Variants in VANGL1 observed in about 807,000 individuals in gnomAD.
VANGL1 encodes vang-like protein 1.
Under a neutral mutation model 48.4 loss-of-function variants are expected in VANGL1, and 18 were observed. That is an observed-to-expected ratio of 0.37 (90% CI 0.26 to 0.55). VANGL1 has a LOEUF of 0.55. Among genes scored for constraint, VANGL1 ranks in the 20% least tolerant of loss-of-function variants. The pLI is 0.81. For synonymous variants in VANGL1, 257 were observed against 261.8 expected, an observed-to-expected ratio of 0.98 and a Z score of 0.18; for missense variants, 667 against 675.8, an observed-to-expected ratio of 0.99 and a Z score of 0.14.
chr1:115,642,504 G>A (rs899627914), intron 1 of VANGL1: 1 of 152,322 alleles, frequency 6.6e-6, no homozygotes, highest in African/African-American at 2.4e-5. Context: ...GGCACCGGGC[G>A]GCTGCAGCAG....
intron 2 of VANGL1, among the ~76,000 whole-genome samples, chr1:115,656,811 G>A (rs1477952005): frequency 6.6e-6 from 1 of 152,226 alleles, no homozygotes; most frequent in Admixed American, 6.5e-5. Context: ...GTAGGGTTCA[G>A]GCTCCGGGAA....
chr1:115,671,405 G>C (rs1652967463), intron 4 of VANGL1: 1 of 152,358 alleles, frequency 6.6e-6, no homozygotes. Context: ...CTCCAGCCCA[G>C]GTTTCGGGGA....
chr1:115,669,868 T>C (rs528090807), intron 4 of VANGL1, among the ~76,000 whole-genome samples: 27 of 152,220 alleles, frequency 1.8e-4, no homozygotes, highest in Non-Finnish European at 3.4e-4. Context: ...GGATTGCTTT[T>C]CAAGCAATGG....
chr1:115,667,004 T>A (rs1652817374), intron 4 of VANGL1, among the ~76,000 whole-genome samples: 1 of 152,200 alleles, frequency 6.6e-6, no homozygotes, highest in Non-Finnish European at 1.5e-5. Flanking sequence ...TAAGGCCTTT[T>A]GTAAAGTGTA....
intron 3 of VANGL1, among the ~76,000 whole-genome samples, chr1:115,662,240 A>G (rs915618563): frequency 5.3e-5 from 8 of 152,146 alleles, no homozygotes; most frequent in African/African-American, 1.9e-4. Flanking sequence ...GGTCATTACT[A>G]GATTCGGAGT....
chr1:115,648,152 G>A (rs1652008972), intron 1 of VANGL1, among the ~76,000 whole-genome samples: 1 of 152,218 alleles, frequency 6.6e-6, no homozygotes, highest in African/African-American at 2.4e-5. Context: ...AGGGCAGGCA[G>A]CATGCCTTTG....
intron 2 of VANGL1, among the ~76,000 whole-genome samples, chr1:115,656,766 AC>A (rs1652368796): frequency 6.6e-6 from 1 of 152,082 alleles, no homozygotes; most frequent in African/African-American, 2.4e-5. Flanking sequence ...GGCTGTTTCC[AC>A]CCCTGGGTGG....
chr1:115,667,862 C>A (rs1652846973), intron 4 of VANGL1, among the ~76,000 whole-genome samples: 1 of 152,238 alleles, frequency 6.6e-6, no homozygotes, highest in South Asian at 2.1e-4. Flanking sequence ...GTTTTGAAAC[C>A]TCTAAAGGGA....
intron 4 of VANGL1, among the ~76,000 whole-genome samples, chr1:115,678,273 T>C (rs1215499246): frequency 2.0e-5 from 3 of 152,234 alleles, no homozygotes; most frequent in Non-Finnish European, 4.4e-5. Context: ...AAGCCAGTCC[T>C]GTGTTGGCTT....
Position 115,683,970 on chromosome 1 carries a change from TC to T in VANGL1, c.976del (p.Arg326GlyfsTer3). 1 of 1,613,724 alleles carries T rather than the reference TC, an allele frequency of 6.2e-7. No individual in the cohort carries two copies. Among genetic ancestry groups the T allele is most frequent in the Non-Finnish European group, 8.5e-7 (1 of 1,179,866 alleles). ...CCCCAGTAACAATGCCACTGGCCAG[TC>T]CCGGGCCATGATTGCTGCAGCTGCT... Reference protein sequence around the residue: ...DGPSNNATGQSRAMIAAAARR... With the variant: ...DGPSNNATGQXRAMIAAAARR... On this transcript the variant is annotated frameshift_variant, in exon 6 of 8. Coordinates refer to ENST00000355485, the MANE Select transcript of VANGL1 (RefSeq NM_138959.3). LOFTEE classifies it high-confidence loss of function.
intron 7 of VANGL1, among the ~76,000 whole-genome samples, chr1:115,689,444 C>A (rs1653753740): frequency 7.4e-6 from 1 of 135,648 alleles, no homozygotes; most frequent in Non-Finnish European, 1.6e-5. Flanking sequence ...CCAGCTTGGC[C>A]CACATGGTGA....
chr1:115,642,727 A>G (rs1651782278), intron 1 of VANGL1: 1 of 151,958 alleles, frequency 6.6e-6, no homozygotes, highest in Non-Finnish European at 1.5e-5. Context: ...ACTTTCAAAA[A>G]CGCCGGGGTG....
In VANGL1 at chr1:115,651,336, G is replaced by T; in HGVS notation, c.-78G>T. 1 of 1,296,702 alleles carries T rather than the reference G, an allele frequency of 7.7e-7. No individual in the cohort carries two copies. Among genetic ancestry groups the T allele is most frequent in the South Asian group, 1.2e-5 (1 of 82,110 alleles). 80.3% of individuals were successfully genotyped at this position (1,296,702 alleles called of 1,614,324 possible). A position where few individuals can be genotyped will look rare whatever the true frequency, so the allele number is the denominator to read the frequency against. On this transcript the variant is annotated 5_prime_UTR_variant, in exon 2 of 8. Transcript: ENST00000355485. ...ATTTCCAGACTCCTTGAGGTTTTAGGAGTCTGGTAGGTGAAATTTTCTACC... is the reference window on the plus strand; with the variant it reads ...ATTTCCAGACTCCTTGAGGTTTTAGTAGTCTGGTAGGTGAAATTTTCTACC...
In VANGL1 at chr1:115,689,591, G is replaced by A. The variant is rs763379668; in HGVS notation, c.1315-1528G>A. 3.7e-5 allele frequency among the ~76,000 whole-genome samples: 5 copies of A among 134,280 alleles called. 1 individual carries two copies. The highest frequency in any genetic ancestry group is 7.7e-5 in the Admixed American group (1 of 13,044). 88.1% of individuals were successfully genotyped at this position (134,280 alleles called of 152,430 possible). The stretch of plus-strand genomic sequence containing the variant: ...GCGGAGGTTGCAGTGAGCTGAGATC[G>A]TGCCATTGCACTCCAGCCTGGGTAA... On this transcript the variant is annotated intron_variant, in intron 7 of 7. Transcript: ENST00000355485.
At chr1:115,660,362 G>C (rs1652500132) in intron 3 of VANGL1, among the ~76,000 whole-genome samples, 1 of 152,184 alleles carries the variant, frequency 6.6e-6, no homozygotes, top group Admixed American at 6.5e-5. Context: ...CATTTCCTCT[G>C]TAAAGGAAAC....
chr1:115,664,363 G>A (rs1652695599), intron 4 of VANGL1, 95 bp downstream of exon 4: 1 of 1,521,730 alleles, frequency 6.6e-7, no homozygotes, highest in Non-Finnish European at 8.8e-7. Context: ...CAGATGCCAA[G>A]AGCTAGGACC....
rs915240525 is a variant in VANGL1 at position 115,697,454 on chromosome 1, C to A, written c.*6075C>A. The A allele has an allele frequency of 2.6e-5, 4 of 152,110 alleles. No individual in the cohort carries two copies. The highest frequency in any genetic ancestry group is 5.9e-5 in the Non-Finnish European group (4 of 68,028). The allele number at this position is 152,110 out of a possible 1,614,324, so 9.4% of individuals were successfully genotyped here. Reference sequence around the variant, plus strand: ...CTCCTCTGGGACCCCTAAGTTATGGCGTGATTAGCCAAATTTGATTTCCAA... The same window carrying A: ...CTCCTCTGGGACCCCTAAGTTATGGAGTGATTAGCCAAATTTGATTTCCAA... On this transcript the variant is annotated 3_prime_UTR_variant, in exon 8 of 8. Transcript: ENST00000355485.
intron 2 of VANGL1, 102 bp from the exon 3 acceptor site, chr1:115,659,539 G>T (rs938985876): frequency 3.9e-6 from 5 of 1,266,738 alleles, no homozygotes; most frequent in Non-Finnish European, 5.6e-6. Flanking sequence ...GTGTGTGTGT[G>T]TATGTAGAAT....
At chr1:115,685,947 A>G (rs4839043) in intron 7 of VANGL1, among the ~76,000 whole-genome samples, 44,887 of 151,870 alleles carry the variant, frequency 0.3, 6,911 homozygotes, top group East Asian at 0.53. Context: ...ACTAATAACT[A>G]TCTCATTTGT....
Sources: allele counts gnomAD v4.1 joint callset (sites outside exome capture counted in the v4.1 genomes callset), GRCh38; gene constraint gnomAD v4.1.1; transcripts MANE v1.5; gene names NCBI Gene and HGNC (gene_info 2026-07-23, HGNC 2026-07-21).